TTF2: variants seen among roughly 807,000 people sequenced by gnomAD.
TTF2 encodes transcription termination factor 2, also known as RNA polymerase II termination factor.
Under a neutral mutation model 142.4 loss-of-function variants are expected in TTF2, and 108 were observed. The ratio of observed to expected loss-of-function variants is 0.76; its 90% CI spans 0.65 to 0.89. The LOEUF is 0.89. Among genes scored for constraint, TTF2 ranks in the 40% least tolerant of loss-of-function variants. The probability of loss-of-function intolerance (pLI) is 0.00; values close to 1 mark genes in which losing one functional copy is unlikely to be tolerated. For missense variants in TTF2, 1,327 were observed against 1,379.8 expected (o/e 0.96, Z 0.61); for synonymous variants, 483 against 506.2 (o/e 0.95, Z 0.61).
intron 7 of TTF2, 72 bp from the exon 8 acceptor site, chr1:117,077,840 TGTAG>T: frequency 3.2e-6 from 5 of 1,575,260 alleles, no homozygotes; most frequent in Non-Finnish European, 3.5e-6. Context: ...CAGGGCCATT[TGTAG>T]CTAAGTTCAC....
intron 18 of TTF2, among the ~76,000 whole-genome samples, chr1:117,094,356 C>G (rs1373320792): frequency 2.0e-5 from 3 of 152,312 alleles, no homozygotes; most frequent in Middle Eastern, 3.4e-3. Context: ...TCTTCCTTCT[C>G]CAGCATTCTG....
At chr1:117,069,761 A>G (rs1054057402) in intron 3 of TTF2, among the ~76,000 whole-genome samples, 1 of 152,206 alleles carries the variant, frequency 6.6e-6, no homozygotes, top group Non-Finnish European at 1.5e-5. Flanking sequence ...TAGCCTTGCT[A>G]AAGTGAATGC....
chr1:117,090,447 A>C lies in TTF2; in HGVS notation c.2497-85A>C. On this transcript the variant is annotated intron_variant, in intron 14 of 22. Coordinates refer to ENST00000369466, the MANE Select transcript of TTF2 (RefSeq NM_003594.4). The surrounding 1 kb of genome is among the most constrained non-coding windows in gnomAD (Gnocchi z 4.8). Reference sequence around the variant, plus strand: ...AGCTGCATTCCAGGGTTGACTAGATATGCAGTGTCAGTATGGGGAATTTGT... The same window carrying C: ...AGCTGCATTCCAGGGTTGACTAGATCTGCAGTGTCAGTATGGGGAATTTGT... The C allele has an allele frequency of 7.6e-7, 1 of 1,322,748 alleles. No homozygotes were observed. Among genetic ancestry groups the C allele is most frequent in the Non-Finnish European group, 1.1e-6 (1 of 932,390 alleles). The allele number at this position is 1,322,748 out of a possible 1,614,324, so 81.9% of individuals were successfully genotyped here.
Position 117,084,122 on chromosome 1 carries a change from A to G in TTF2, c.2008A>G (p.Arg670Gly), listed in dbSNP as rs773541659. ...VEKRVNSNKL[R>G]VYLYHGPNRD... ...GAAACGGGTGAACAGCAACAAACTA[A>G]GAGTCTATCTCTACCATGGGCCAAA... The change falls in exon 11 of 23, where the codon AGA becomes GGA. Residue 670 changes from arginine (R) to glycine (G), a missense_variant. Physicochemically the swap from Arg to Gly is moderately radical, Grantham distance 125. Transcript: ENST00000369466. The G allele has an allele frequency of 1.2e-6, 2 of 1,614,144 alleles. No homozygotes were observed. The highest frequency in any genetic ancestry group is 3.3e-5 in the Admixed American group (2 of 60,018).
rs9728670 is a variant in TTF2 at position 117,103,122 on chromosome 1, A to G, written c.*1598A>G. 0.25 allele frequency: 38,674 copies of G among 152,166 alleles called. 6,316 individuals carry two copies. Among genetic ancestry groups the G allele is most frequent in the Non-Finnish European group, 0.36 (24,255 of 67,986 alleles). 9.4% of individuals were successfully genotyped at this position (152,166 alleles called of 1,614,324 possible). ...ACAAGGCCCTAGGGAAGGTGAAGCC[A>G]CTAGCTCAGCAGTTCTTAGCCTAGT... On this transcript the variant is annotated 3_prime_UTR_variant, in exon 23 of 23. Coordinates refer to ENST00000369466, the MANE Select transcript of TTF2 (RefSeq NM_003594.4).
Position 117,096,308 on chromosome 1 carries a change from T to G in TTF2, c.3186+9T>G, listed in dbSNP as rs1276098594. On this transcript the variant is annotated intron_variant, in intron 20 of 22. Coordinates refer to ENST00000369466, the MANE Select transcript of TTF2 (RefSeq NM_003594.4). ...ACTCCAGAGGCCCTCAGGTACAAGC[T>G]GGTCACATCAGAGCCGCATAATTAA... The G allele has an allele frequency of 1.9e-6, 3 of 1,613,808 alleles. No individual in the cohort carries two copies. The highest frequency in any genetic ancestry group is 2.5e-6 in the Non-Finnish European group (3 of 1,179,918).
At position 117,106,826 on chromosome 1, in the gene TTF2, C is replaced by G. The variant is rs1014098977; in HGVS notation, c.*5302C>G. ...GAACCACCTCTTCATTGAGCCAAAC[C>G]TACCATACAGGGATACATTCTCTGG... On this transcript the variant is annotated 3_prime_UTR_variant, in exon 23 of 23. Coordinates refer to ENST00000369466, the MANE Select transcript of TTF2 (RefSeq NM_003594.4). 6.6e-6 allele frequency: 1 copy of G among 152,250 alleles called. No individual in the cohort carries two copies. Among genetic ancestry groups the G allele is most frequent in the Non-Finnish European group, 1.5e-5 (1 of 68,064 alleles). The allele number at this position is 152,250 out of a possible 1,614,324, so 9.4% of individuals were successfully genotyped here. A position where few individuals can be genotyped will look rare whatever the true frequency, so the allele number is the denominator to read the frequency against.
At chr1:117,074,479 T>C (rs1656828089) in intron 4 of TTF2, among the ~76,000 whole-genome samples, 1 of 152,160 alleles carries the variant, frequency 6.6e-6, no homozygotes, top group Non-Finnish European at 1.5e-5. Flanking sequence ...CACGTCATCT[T>C]TTCTAGACGT....
chr1:117,100,916 C>T lies in TTF2; in HGVS notation c.3345-464C>T, dbSNP rs780596466. The stretch of plus-strand genomic sequence containing the variant: ...CACACCTAGCATAGTGTAGTGAGTG[C>T]TTAATCAATACTTTTGAATGAGTGA... On this transcript the variant is annotated intron_variant, in intron 22 of 22. Coordinates refer to ENST00000369466, the MANE Select transcript of TTF2 (RefSeq NM_003594.4). The surrounding 1 kb of genome is among the most constrained non-coding windows in gnomAD (Gnocchi z 4.6). 3.3e-5 allele frequency among the ~76,000 whole-genome samples: 5 copies of T among 152,190 alleles called. No individual in the cohort carries two copies. Among genetic ancestry groups the T allele is most frequent in the African/African-American group, 4.8e-5 (2 of 41,440 alleles).
At position 117,076,382 on chromosome 1, in the gene TTF2, T is replaced by A; in HGVS notation, c.1390+88T>A. ...GCCCTTTTAATAAAGAATGTGTTGA[T>A]TCATTCACTTTTCCATTTTATTATC... is the stretch of plus-strand genomic sequence containing the variant. On this transcript the variant is annotated intron_variant, in intron 6 of 22. Coordinates refer to ENST00000369466, the MANE Select transcript of TTF2 (RefSeq NM_003594.4). The surrounding 1 kb of genome is among the most constrained non-coding windows in gnomAD (Gnocchi z 4.6). 9.2e-7 allele frequency: 1 copy of A among 1,084,606 alleles called. No homozygotes were observed. Among genetic ancestry groups the A allele is most frequent in the East Asian group, 2.5e-5 (1 of 39,884 alleles). The allele number at this position is 1,084,606 out of a possible 1,614,324, so 67.2% of individuals were successfully genotyped here.
Position 117,084,149 on chromosome 1 carries a change from C to T in TTF2, c.2035C>T (p.Arg679Trp), listed in dbSNP as rs765348046. The change falls in exon 11 of 23, where the codon CGG (arginine) becomes TGG (tryptophan). Residue 679 changes from arginine to tryptophan, a missense_variant. Coordinates refer to ENST00000369466, the MANE Select transcript of TTF2 (RefSeq NM_003594.4). The part of the protein sequence containing the change: ...LRVYLYHGPN[R>W]DSRARVLSTY... ...AGTCTATCTCTACCATGGGCCAAAC[C>T]GGGATTCACGTGCCAGAGTGTAAGT... The T allele has an allele frequency of 2.0e-5, 32 of 1,614,040 alleles. No homozygotes were observed. The highest frequency in any genetic ancestry group is 4.5e-5 in the East Asian group (2 of 44,892).
In TTF2 at chr1:117,100,528, C is replaced by T. The variant is rs1308372858; in HGVS notation, c.3345-852C>T. Among the ~76,000 whole-genome samples the T allele has an allele frequency of 6.6e-6, 1 of 152,190 alleles. No individual in the cohort carries two copies. The highest frequency in any genetic ancestry group is 2.4e-5 in the African/African-American group (1 of 41,446). On this transcript the variant is annotated intron_variant, in intron 22 of 22. Transcript: ENST00000369466. This position sits in a 1 kb window ranked among gnomAD's most constrained non-coding sequence, Gnocchi z 4.6. ...TGTCTTAGCATGACATGCACCACCA[C>T]CCGTGATCTGGCCCTACCAGCCTCT...
Position 117,091,977 on chromosome 1 carries a change from A to G in TTF2, c.2805+27A>G, listed in dbSNP as rs750768868. Reference sequence around the variant, plus strand: ...TAAGAAAAGCCCTCAGCCTGCTGTCATATAGTGCTCCAGAGGGGCCACCTG... The same window carrying G: ...TAAGAAAAGCCCTCAGCCTGCTGTCGTATAGTGCTCCAGAGGGGCCACCTG... On this transcript the variant is annotated intron_variant, in intron 17 of 22. Coordinates refer to ENST00000369466, the MANE Select transcript of TTF2 (RefSeq NM_003594.4). 1.9e-6 allele frequency: 3 copies of G among 1,596,924 alleles called. No homozygotes were observed. The South Asian group carries it at 3.3e-5, about 18-fold the overall frequency.
rs1648718069 is a variant in TTF2, at chr1:117,092,801, C to T, written c.2876C>T (p.Thr959Ile). ...CTGGAAGAACAGCTCAGTGCTTTGA[C>T]CTTGTCAGAACTCCGTGACTCAGAG... is the stretch of plus-strand genomic sequence containing the variant. ...LSLEEQLSALTLSELRDSEPS... is the reference protein window; with the variant it reads ...LSLEEQLSALILSELRDSEPS... The change falls in exon 18 of 23, where the codon ACC becomes ATC. Residue 959 changes from threonine (T) to isoleucine (I), a missense_variant. Transcript: ENST00000369466. The surrounding 1 kb of genome is among the most constrained non-coding windows in gnomAD (Gnocchi z 4.4). 1.9e-6 allele frequency: 3 copies of T among 1,614,054 alleles called. No homozygotes were observed. The highest frequency in any genetic ancestry group is 1.7e-6 in the Non-Finnish European group (2 of 1,180,038).
chr1:117,071,917 G>T (rs914546349), intron 3 of TTF2, among the ~76,000 whole-genome samples: 6 of 152,140 alleles, frequency 3.9e-5, no homozygotes, highest in Admixed American at 6.5e-5. Flanking sequence ...GCAGTTCATG[G>T]ATTAAACAGG....
Position 117,085,707 on chromosome 1 carries a change from A to G in TTF2, c.2055-710A>G, listed in dbSNP as rs1647938792. On this transcript the variant is annotated intron_variant, in intron 11 of 22. Transcript: ENST00000369466. The surrounding 1 kb of genome is among the most constrained non-coding windows in gnomAD (Gnocchi z 4.7). ...TTATTTTATTTACTTTTGAGACAGG[A>G]TAGAGTGAGACCCTACCTTGTCTCA... 6.6e-6 allele frequency among the ~76,000 whole-genome samples: 1 copy of G among 151,976 alleles called. No homozygotes were observed. Among genetic ancestry groups the G allele is most frequent in the Non-Finnish European group, 1.5e-5 (1 of 67,986 alleles).
chr1:117,091,746 A>G (rs1349992134), intron 16 of TTF2, 71 bp from the exon 17 acceptor site: 2 of 1,551,002 alleles, frequency 1.3e-6, no homozygotes, highest in African/African-American at 2.7e-5. Flanking sequence ...AGCCCCATGT[A>G]GTTCCTGGCT....
rs1481956505 is a variant in TTF2 at position 117,102,486 on chromosome 1, AT to A, written c.*965del. ...CATTTAGTATTTGTATCACTGTACC[AT>A]TTAGTGTTGTATATCACTCAGTCAT... is the stretch of plus-strand genomic sequence containing the variant. On this transcript the variant is annotated 3_prime_UTR_variant, in exon 23 of 23. Transcript: ENST00000369466. 1 of 152,196 alleles carries A rather than the reference AT, an allele frequency of 6.6e-6. No individual in the cohort carries two copies. Among genetic ancestry groups the A allele is most frequent in the Non-Finnish European group, 1.5e-5 (1 of 68,040 alleles). 9.4% of individuals were successfully genotyped at this position (152,196 alleles called of 1,614,324 possible).
intron 9 of TTF2, among the ~76,000 whole-genome samples, chr1:117,081,268 A>C (rs571792599): frequency 3.2e-4 from 49 of 152,336 alleles, no homozygotes; most frequent in African/African-American, 1.1e-3. Context: ...TAGTAGCCTC[A>C]ATGTTGCAGT....
Sources: gnomAD v4.1 joint callset for allele counts (sites outside exome capture counted in the v4.1 genomes callset) on GRCh38, gnomAD v4.1.1 for gene constraint, Gnocchi (gnomAD v3.1) non-coding constraint, MANE v1.5 for transcripts, NCBI Gene and HGNC (gene_info 2026-07-23, HGNC 2026-07-21) for gene names.